Variants in DNMBP observed in about 807,000 individuals in gnomAD.
DNMBP encodes dynamin binding protein.
Under a neutral mutation model 150.0 loss-of-function variants are expected in DNMBP, and 87 were observed. The ratio of observed to expected loss-of-function variants is 0.58; its 90% CI spans 0.49 to 0.69. DNMBP has a LOEUF of 0.69. DNMBP is among the 30% of genes least tolerant of loss of function. DNMBP has a pLI of 0.00. For synonymous variants in DNMBP, 711 were observed against 750.4 expected (o/e 0.95, Z 0.86); for missense variants, 1,774 against 1,949.0 (o/e 0.91, Z 1.69).
chr10:99,899,725 C>T (rs989336315), intron 7 of DNMBP, 194 bp downstream of exon 7: 11 of 661,066 alleles, frequency 1.7e-5, no homozygotes, highest in South Asian at 5.5e-5. Flanking sequence ...AACCTGATAA[C>T]GCTAACCTAA....
intron 4 of DNMBP, among the ~76,000 whole-genome samples, chr10:99,918,075 A>G (rs1374928968): frequency 6.6e-6 from 1 of 152,004 alleles, no homozygotes; most frequent in Non-Finnish European, 1.5e-5. Flanking sequence ...ATCTAGAAGC[A>G]GTCTTTCTGC....
rs1294336957 is a variant in DNMBP at position 99,876,399 on chromosome 10, A to G, written c.*752T>C. On this transcript the variant is annotated 3_prime_UTR_variant, in exon 17 of 17. Transcript: ENST00000324109. ...AACATAGCAAGACCCCATCTCAAAA[A>G]AAAAAGCGGGGGGGCAGTGATTGTA... 2 of 151,034 alleles carry G rather than the reference A, an allele frequency of 1.3e-5. No homozygotes were observed. Among genetic ancestry groups the G allele is most frequent in the Non-Finnish European group, 1.5e-5 (1 of 67,848 alleles). The allele number at this position is 151,034 out of a possible 1,614,324, so 9.4% of individuals were successfully genotyped here. A position where few individuals can be genotyped will look rare whatever the true frequency, so the allele number is the denominator to read the frequency against.
intron 3 of DNMBP, chr10:99,957,445 G>A (rs2040513488): frequency 3.6e-6 from 2 of 561,354 alleles, no homozygotes; most frequent in Non-Finnish European, 3.2e-6. Context: ...CAGAGAATCT[G>A]TGAGGTCAAA....
chr10:99,907,502 A>C (rs1305599631), intron 6 of DNMBP, among the ~76,000 whole-genome samples: 1 of 151,564 alleles, frequency 6.6e-6, no homozygotes, highest in Admixed American at 6.6e-5. Context: ...TCCTAGACTC[A>C]AGCAATCCTC....
intron 4 of DNMBP, among the ~76,000 whole-genome samples, chr10:99,925,124 C>G (rs944374921): frequency 6.6e-6 from 1 of 152,178 alleles, no homozygotes; most frequent in Non-Finnish European, 1.5e-5. Context: ...TCTGACTTTC[C>G]TAACACTTTT....
At chr10:99,892,970 A>G (rs1382906820) in intron 11 of DNMBP, among the ~76,000 whole-genome samples, 1 of 152,216 alleles carries the variant, frequency 6.6e-6, no homozygotes, top group African/African-American at 2.4e-5. Context: ...ATATCCTCCA[A>G]TAGATACAGA....
rs780099004 is a variant in DNMBP at position 99,930,369 on chromosome 10, C to T, written c.2261-21223G>A. The T allele has an allele frequency of 6.7e-4, 469 of 702,864 alleles. 1 individual carries two copies. The highest frequency in any genetic ancestry group is 1.1e-3 in the Non-Finnish European group (420 of 385,004). The allele number at this position is 702,864 out of a possible 1,614,324, so 43.5% of individuals were successfully genotyped here. ...TGAGTAGCCATTTGCCTCCCCGTAT[C>T]CACCAGCTTTCGAGGTCACATCTGG... On this transcript the variant is annotated intron_variant, in intron 4 of 16. Coordinates refer to ENST00000324109, the MANE Select transcript of DNMBP (RefSeq NM_015221.4).
intron 4 of DNMBP, among the ~76,000 whole-genome samples, chr10:99,909,412 G>C (rs964161378): frequency 1.3e-5 from 2 of 152,196 alleles, no homozygotes; most frequent in Non-Finnish European, 2.9e-5. Flanking sequence ...AGTGAACAAA[G>C]CATGTCTACA....
At chr10:99,903,976 A>G (rs963417699) in intron 6 of DNMBP, among the ~76,000 whole-genome samples, 8 of 151,198 alleles carry the variant, frequency 5.3e-5, no homozygotes, top group African/African-American at 1.5e-4. Context: ...AGGCTGGTCC[A>G]GAACTCCTGG....
Position 99,955,602 on chromosome 10 carries a change from A to G in DNMBP, c.1872T>C (p.His624=), listed in dbSNP as rs2040479059. The change falls in exon 4 of 17, where the codon CAT becomes CAC. Residue 624 remains histidine, a synonymous_variant. Coordinates refer to ENST00000324109, the MANE Select transcript of DNMBP (RefSeq NM_015221.4). The part of the protein sequence containing the change: ...RPCTPVSTSP[H]LLVDQNLKPA... ...GTTTTAGGTTCTGGTCAACCAGCAAATGGGGAGAAGTGGATACCGGAGTAC... is the reference window on the plus strand; with the variant it reads ...GTTTTAGGTTCTGGTCAACCAGCAAGTGGGGAGAAGTGGATACCGGAGTAC... The G allele has an allele frequency of 6.2e-7, 1 of 1,613,692 alleles. No individual in the cohort carries two copies. The highest frequency in any genetic ancestry group is 1.7e-5 in the Admixed American group (1 of 59,992).
rs771390184 is a variant in DNMBP at position 100,003,767 on chromosome 10, G to A, written c.-11+6071C>T. ...GTGGTGGCTGCAGTGAGCTATCATC[G>A]CACCACTGTACTCCAGCCTGGGCAA... On this transcript the variant is annotated intron_variant, in intron 1 of 16. Coordinates refer to ENST00000324109, the MANE Select transcript of DNMBP (RefSeq NM_015221.4). Among the ~76,000 whole-genome samples the A allele has an allele frequency of 4.0e-5, 6 of 151,864 alleles. No homozygotes were observed. In the East Asian group the frequency reaches 5.8e-4, roughly 15 times the overall value.
intron 1 of DNMBP, among the ~76,000 whole-genome samples, chr10:100,000,700 G>T (rs1344324122): frequency 6.6e-6 from 1 of 151,890 alleles, no homozygotes; most frequent in Non-Finnish European, 1.5e-5. Flanking sequence ...TCATCTTATA[G>T]ATTCATCTGT....
intron 13 of DNMBP, among the ~76,000 whole-genome samples, 175 bp from the exon 14 acceptor site, chr10:99,886,041 AAG>A (rs1291587386): frequency 6.6e-6 from 1 of 152,206 alleles, no homozygotes; most frequent in African/African-American, 2.4e-5. Flanking sequence ...AGCCTGATGC[AAG>A]ACACAAGTTC....
chr10:99,912,653 G>A (rs1363301247), intron 4 of DNMBP, among the ~76,000 whole-genome samples: 4 of 152,198 alleles, frequency 2.6e-5, no homozygotes, highest in Middle Eastern at 3.4e-3. Context: ...CGGGGTATCC[G>A]CAATTTTAAT....
intron 1 of DNMBP, among the ~76,000 whole-genome samples, chr10:100,001,410 G>GGT (rs2041010491): frequency 1.0e-5 from 1 of 96,372 alleles, no homozygotes; most frequent in South Asian, 3.2e-4. Flanking sequence ...TTTTGTTGTT[G>GGT]TTGTTTTTTT....
At chr10:99,918,877 ATAATCT>A (rs1217285208) in intron 4 of DNMBP, among the ~76,000 whole-genome samples, 3 of 152,248 alleles carry the variant, frequency 2.0e-5, no homozygotes, top group Non-Finnish European at 4.4e-5. Context: ...TGGTATGCTG[ATAATCT>A]TAAAACTGTG....
chr10:99,955,912 A>C lies in DNMBP; in HGVS notation c.1562T>G (p.Leu521Trp). The change falls in exon 4 of 17, where the codon TTG (leucine) becomes TGG (tryptophan). Residue 521 changes from leucine (L) to tryptophan (W), a missense_variant. This residue lies in a region of DNMBP where 1,430 missense variants were observed against 1,492.5 expected (regional missense o/e 0.96). Transcript: ENST00000324109. Reference protein sequence around the residue: ...TSSVYSISERLEMKPGPQAQG... With the variant: ...TSSVYSISERWEMKPGPQAQG... ...GGCTTGCGGACCAGGCTTCATCTCCAATCTCTCTGAGATGGAGTAAACACT... is the reference window on the plus strand; with the variant it reads ...GGCTTGCGGACCAGGCTTCATCTCCCATCTCTCTGAGATGGAGTAAACACT... The C allele has an allele frequency of 6.2e-7, 1 of 1,614,162 alleles. No individual in the cohort carries two copies. Among genetic ancestry groups the C allele is most frequent in the Non-Finnish European group, 8.5e-7 (1 of 1,180,028 alleles).
intron 1 of DNMBP, among the ~76,000 whole-genome samples, chr10:99,972,803 C>A (rs1190605610): frequency 6.6e-6 from 1 of 152,172 alleles, no homozygotes; most frequent in Admixed American, 6.6e-5. Flanking sequence ...GAGATGAAAT[C>A]TCGCTGTGTG....
chr10:99,896,321 C>G lies in DNMBP; in HGVS notation c.2997G>C (p.Lys999Asn). 6.2e-7 allele frequency: 1 copy of G among 1,614,134 alleles called. No homozygotes were observed. Among genetic ancestry groups the G allele is most frequent in the Non-Finnish European group, 8.5e-7 (1 of 1,180,000 alleles). ...GGTGACTGCTAACTCGGTTGGATTT[C>G]TTGATGATGGAGTGGATGTTCAGTT... ...ISKLNIHSIIKKSNRVSSHLK... is the reference protein window; with the variant it reads ...ISKLNIHSIINKSNRVSSHLK... The change falls in exon 10 of 17, where the codon AAG becomes AAC. Residue 999 changes from lysine (K) to asparagine (N), a missense_variant. This residue lies in a region of DNMBP where 1,430 missense variants were observed against 1,492.5 expected (regional missense o/e 0.96). Transcript: ENST00000324109.
Sources: allele counts gnomAD v4.1 joint callset (sites outside exome capture counted in the v4.1 genomes callset), GRCh38; gene constraint gnomAD v4.1.1; regional missense constraint gnomAD v4.1.1; transcripts MANE v1.5; gene names NCBI Gene and HGNC (gene_info 2026-07-23, HGNC 2026-07-21).